USH2A: variants seen among roughly 807,000 people sequenced by gnomAD.
USH2A encodes the protein Usher syndrome 2A (autosomal recessive, mild).
In USH2A, 443 loss-of-function variants were observed where a neutral mutation model predicts 538.9. That is an observed-to-expected ratio of 0.82 (90% CI 0.76 to 0.89). USH2A has a LOEUF of 0.89. Among genes scored for constraint, USH2A ranks in the 40% least tolerant of loss-of-function variants. The pLI, the probability that USH2A is intolerant of heterozygous loss-of-function variation, is 0.00. For synonymous variants in USH2A, 2,413 were observed against 2,273.5 expected (o/e 1.06, Z -1.75); for missense variants, 6,633 against 6,324.8 (o/e 1.05, Z -1.65).
chr1:215,646,650 C>G (rs913956791), intron 67 of USH2A, among the ~76,000 whole-genome samples: 16 of 152,120 alleles, frequency 1.1e-4, no homozygotes, highest in Non-Finnish European at 5.9e-5. Context: ...CTTAAGCCTC[C>G]TGAGTAGCTG....
chr1:215,733,326 A>G (rs1660061110), intron 60 of USH2A, among the ~76,000 whole-genome samples: 1 of 152,078 alleles, frequency 6.6e-6, no homozygotes, highest in African/African-American at 2.4e-5. Flanking sequence ...ATCTGACCCC[A>G]TTATGCAATC....
At chr1:215,797,030 T>C (rs1048162614) in intron 50 of USH2A, among the ~76,000 whole-genome samples, 3 of 152,212 alleles carry the variant, frequency 2.0e-5, no homozygotes, top group Non-Finnish European at 2.9e-5. Context: ...AAGATTTCTA[T>C]TTCACTTATC....
chr1:216,174,494 C>T (rs1283752146), intron 21 of USH2A: 10 of 985,238 alleles, frequency 1.0e-5, no homozygotes, highest in African/African-American at 1.7e-5. Flanking sequence ...TGTGCTGGTA[C>T]AGAGTTCAAT....
At chr1:215,974,911 C>T (rs4655437) in intron 35 of USH2A, among the ~76,000 whole-genome samples, 58,846 of 151,986 alleles carry the variant, frequency 0.39, 11,868 homozygotes, top group East Asian at 0.67. Context: ...GAAAAACCTT[C>T]AACTGCTTTC....
At chr1:216,185,714 T>C (rs1368627831) in intron 20 of USH2A, among the ~76,000 whole-genome samples, 1 of 151,956 alleles carries the variant, frequency 6.6e-6, no homozygotes, top group African/African-American at 2.4e-5. Flanking sequence ...TACTCTCCTA[T>C]AGCAAAATTG....
Position 216,418,454 on chromosome 1 carries a change from G to A in USH2A, c.651+60C>T, listed in dbSNP as rs1571801426. On this transcript the variant is annotated intron_variant, in intron 3 of 71. Transcript: ENST00000307340. Reference sequence around the variant, plus strand: ...TTGTGAGTAGATGCCATTTAAAAGAGAGAAAGGAAGACAAATCCTTGTGTT... The same window carrying A: ...TTGTGAGTAGATGCCATTTAAAAGAAAGAAAGGAAGACAAATCCTTGTGTT... The A allele has an allele frequency of 8.2e-6, 13 of 1,590,830 alleles. No homozygotes were observed. The Middle Eastern group carries it at 6.2e-4, about 75-fold the overall frequency.
intron 30 of USH2A, among the ~76,000 whole-genome samples, chr1:216,065,870 C>T (rs781483981): frequency 7.9e-5 from 12 of 151,898 alleles, no homozygotes; most frequent in Non-Finnish European, 1.3e-4. Flanking sequence ...GCACTCCAAC[C>T]TGGGTGACAG....
intron 11 of USH2A, among the ~76,000 whole-genome samples, chr1:216,288,164 G>T (rs990779559): frequency 2.0e-5 from 3 of 152,038 alleles, no homozygotes; most frequent in Admixed American, 2.0e-4. Flanking sequence ...TGAAAACTCA[G>T]GGTGGATGTG....
chr1:215,680,522 G>A (rs1028519543), intron 61 of USH2A, 146 bp from the exon 62 acceptor site: 1 of 749,992 alleles, frequency 1.3e-6, no homozygotes, highest in African/African-American at 1.8e-5. Flanking sequence ...TTATCATTAA[G>A]AAAACAACGC....
At chr1:215,670,903 C>T (rs149481255) in intron 64 of USH2A, 69 bp downstream of exon 64, 38 of 1,503,784 alleles carry the variant, frequency 2.5e-5, no homozygotes, top group Middle Eastern at 1.7e-4. Context: ...AATTGTGCAC[C>T]ATTTTTACAG....
rs746981937 is a variant in USH2A, at chr1:215,965,476, C to T, written c.6961G>A (p.Glu2321Lys). The change falls in exon 37 of 72, where the codon GAA becomes AAA. Residue 2321 changes from glutamate (E) to lysine (K), a missense_variant. By Grantham distance (56) the Glu-to-Lys change is moderately conservative (BLOSUM62 1). Transcript: ENST00000307340. ...AKGCALGPLV[E>K]NRTLEAPPEG... ...GGAGGAGCTTCTAGAGTTCGATTTT[C>T]CACCTGTGAGTATAAAAAGATTTAT... 5.6e-6 allele frequency: 9 copies of T among 1,613,438 alleles called. No individual in the cohort carries two copies. Among genetic ancestry groups the T allele is most frequent in the African/African-American group, 4.0e-5 (3 of 74,844 alleles).
Position 215,680,267 on chromosome 1 carries a change from A to G in USH2A, c.12176T>C (p.Ile4059Thr). 1 of 1,614,180 alleles carries G rather than the reference A, an allele frequency of 6.2e-7. No individual in the cohort carries two copies. ...AGEILSPWTL[I>T]QTLESSPSGL... ...ACTTGGGGAAGATTCTAAGGTTTGAATCAGAGTCCAAGGGCTTAAAATTTC... is the reference window on the plus strand; with the variant it reads ...ACTTGGGGAAGATTCTAAGGTTTGAGTCAGAGTCCAAGGGCTTAAAATTTC... Residue 4059 changes from isoleucine to threonine, a missense_variant, in exon 62 of 72, where the codon ATT becomes ACT. Coordinates refer to ENST00000307340, the MANE Select transcript of USH2A (RefSeq NM_206933.4).
chr1:216,206,329 T>C (rs1048535459), intron 16 of USH2A, among the ~76,000 whole-genome samples: 2 of 152,186 alleles, frequency 1.3e-5, no homozygotes, highest in Admixed American at 6.5e-5. Flanking sequence ...ACTGGTTTCA[T>C]GGAAAACAGT....
intron 42 of USH2A, 61 bp downstream of exon 42, chr1:215,878,703 C>A (rs2102451499): frequency 1.3e-6 from 2 of 1,547,922 alleles, no homozygotes; most frequent in Non-Finnish European, 1.8e-6. Context: ...TCCTTCATTT[C>A]CCTACTTCTC....
intron 32 of USH2A, among the ~76,000 whole-genome samples, chr1:216,016,361 A>G (rs945956448): frequency 6.6e-6 from 1 of 152,194 alleles, no homozygotes; most frequent in Admixed American, 6.5e-5. Context: ...AAAGGAAAAA[A>G]CAAAAACAAA....
rs1380116265 is a variant in USH2A at position 216,089,091 on chromosome 1, T to C, written c.4807A>G (p.Ser1603Gly). Reference protein sequence around the residue: ...TTTNDHGKQYSDGKWHEIIAI... With the variant: ...TTTNDHGKQYGDGKWHEIIAI... ...ATTATTTCATGCCATTTTCCATCAC[T>C]ATATTGTTTGCCATGATCATTAGTT... Residue 1603 changes from serine (S) to glycine (G), a missense_variant, in exon 23 of 72, where the codon AGT becomes GGT. Transcript: ENST00000307340. The C allele has an allele frequency of 1.2e-6, 2 of 1,613,462 alleles. No homozygotes were observed. Among genetic ancestry groups the C allele is most frequent in the African/African-American group, 1.3e-5 (1 of 75,024 alleles).
chr1:216,239,457 G>A (rs2102534049), intron 13 of USH2A, among the ~76,000 whole-genome samples: 1 of 152,280 alleles, frequency 6.6e-6, no homozygotes, highest in South Asian at 2.1e-4. Context: ...TTTTATACCT[G>A]CCTGAGATAG....
chr1:216,022,085 C>T (rs1345206825), intron 32 of USH2A, among the ~76,000 whole-genome samples: 2 of 152,132 alleles, frequency 1.3e-5, no homozygotes, highest in African/African-American at 2.4e-5. Flanking sequence ...TCCCCTTCAC[C>T]TTCCACCATG....
At chr1:216,016,606 AT>A (rs1449517151) in intron 32 of USH2A, among the ~76,000 whole-genome samples, 1 of 152,136 alleles carries the variant, frequency 6.6e-6, no homozygotes, top group Non-Finnish European at 1.5e-5. Context: ...CTTTTAATAA[AT>A]TTCTCTTGTA....
Sources: allele counts gnomAD v4.1 joint callset (sites outside exome capture counted in the v4.1 genomes callset), GRCh38; gene constraint gnomAD v4.1.1; transcripts MANE v1.5; gene names NCBI Gene and HGNC (gene_info 2026-07-23, HGNC 2026-07-21).